PTPRZ1: variants seen among roughly 807,000 people sequenced by gnomAD.
PTPRZ1 encodes receptor-type tyrosine-protein phosphatase zeta.
Under a neutral mutation model 214.1 loss-of-function variants are expected in PTPRZ1, and 82 were observed. The observed-to-expected ratio is 0.38, with a 90% CI of 0.32 to 0.46. PTPRZ1 has a LOEUF of 0.46. Among genes scored for constraint, PTPRZ1 ranks in the 20% least tolerant of loss-of-function variants. PTPRZ1 has a pLI of 1.00. For synonymous variants in PTPRZ1, 945 were observed against 987.9 expected, an observed-to-expected ratio of 0.96 and a Z score of 0.81; for missense variants, 2,603 against 2,748.7, an observed-to-expected ratio of 0.95 and a Z score of 1.19.
chr7:121,947,196 C>T (rs550745158), intron 2 of PTPRZ1, among the ~76,000 whole-genome samples: 1 of 151,806 alleles, frequency 6.6e-6, no homozygotes, highest in Admixed American at 6.6e-5. Context: ...CTATTCACTC[C>T]AGTGGTTCAA....
chr7:122,002,463 A>G (rs1224791181), intron 10 of PTPRZ1, among the ~76,000 whole-genome samples: 5 of 152,216 alleles, frequency 3.3e-5, no homozygotes, highest in African/African-American at 4.8e-5. Flanking sequence ...TAAGTCATTA[A>G]TATTCTTTAG....
At chr7:121,890,139 A>G (rs1312528978) in intron 1 of PTPRZ1, among the ~76,000 whole-genome samples, 1 of 152,192 alleles carries the variant, frequency 6.6e-6, no homozygotes, top group Non-Finnish European at 1.5e-5. Flanking sequence ...TTTCTAGACC[A>G]GAAGTTGTAC....
chr7:121,927,871 G>A (rs1453104321), intron 1 of PTPRZ1, among the ~76,000 whole-genome samples: 1 of 152,120 alleles, frequency 6.6e-6, no homozygotes, highest in East Asian at 1.9e-4. Context: ...CCTCTTTGGG[G>A]CTGAACCCCT....
intron 14 of PTPRZ1, among the ~76,000 whole-genome samples, chr7:122,029,211 T>G (rs1356683018): frequency 6.6e-6 from 1 of 151,868 alleles, no homozygotes; most frequent in East Asian, 1.9e-4. Flanking sequence ...TCTCAAAATG[T>G]TGAACAGTTG....
intron 13 of PTPRZ1, chr7:122,028,178 T>C (rs1317002882): frequency 5.5e-5 from 9 of 163,806 alleles, no homozygotes; most frequent in Non-Finnish European, 1.2e-4. Context: ...TCTTTTCTTC[T>C]CTGGCTCTAT....
At chr7:121,873,833 G>T (rs888464845) in intron 1 of PTPRZ1, among the ~76,000 whole-genome samples, 1 of 152,168 alleles carries the variant, frequency 6.6e-6, no homozygotes, top group African/African-American at 2.4e-5. Context: ...GAGACGGAGG[G>T]CTACTCGGAT....
chr7:121,882,455 T>G (rs1794271215), intron 1 of PTPRZ1, among the ~76,000 whole-genome samples: 1 of 152,118 alleles, frequency 6.6e-6, no homozygotes, highest in African/African-American at 2.4e-5. Flanking sequence ...TCAGAGGGAT[T>G]AAGGTTGGCA....
intron 9 of PTPRZ1, 83 bp downstream of exon 9, chr7:121,996,649 A>T: frequency 9.2e-7 from 1 of 1,087,480 alleles, no homozygotes; most frequent in Non-Finnish European, 1.3e-6. Context: ...GTTGTATATT[A>T]TTTTCCTCCA....
chr7:122,041,746 G>C (rs1039805803), intron 21 of PTPRZ1, among the ~76,000 whole-genome samples: 3 of 152,160 alleles, frequency 2.0e-5, no homozygotes, highest in African/African-American at 7.2e-5. Flanking sequence ...TGTTTTTAGA[G>C]AATCAAGTGT....
At chr7:122,000,246 G>T (rs1798276724) in intron 10 of PTPRZ1, among the ~76,000 whole-genome samples, 1 of 151,940 alleles carries the variant, frequency 6.6e-6, no homozygotes, top group Non-Finnish European at 1.5e-5. Flanking sequence ...GGCTGCAATG[G>T]CATTTTTATC....
intron 14 of PTPRZ1, among the ~76,000 whole-genome samples, chr7:122,029,274 A>G (rs1387547980): frequency 6.6e-6 from 1 of 152,048 alleles, no homozygotes; most frequent in African/African-American, 2.4e-5. Context: ...GAATAACAGT[A>G]TTCAAAGGTA....
intron 8 of PTPRZ1, among the ~76,000 whole-genome samples, 180 bp downstream of exon 8, chr7:121,984,297 A>G (rs1797704437): frequency 6.6e-6 from 1 of 152,222 alleles, no homozygotes; most frequent in South Asian, 2.1e-4. Flanking sequence ...ATAAAATGGC[A>G]ACTAAAAAAA....
chr7:121,965,738 G>A (rs565739197), intron 2 of PTPRZ1, among the ~76,000 whole-genome samples: 54 of 152,166 alleles, frequency 3.5e-4, no homozygotes, highest in Non-Finnish European at 5.7e-4. Flanking sequence ...TGGGAGCCAA[G>A]TCATAATTCC....
chr7:121,886,742 C>G (rs569024467), intron 1 of PTPRZ1, among the ~76,000 whole-genome samples: 60 of 152,174 alleles, frequency 3.9e-4, no homozygotes, highest in Admixed American at 6.5e-4. Context: ...TCTCAGAAGG[C>G]AATTCTACAA....
chr7:122,033,648 C>A (rs904544426), intron 15 of PTPRZ1, among the ~76,000 whole-genome samples: 11 of 151,744 alleles, frequency 7.2e-5, no homozygotes, highest in South Asian at 2.1e-4. Flanking sequence ...TACAAACCAC[C>A]TAATAGGAAG....
At chr7:122,020,440 A>G (rs2116687971) in intron 13 of PTPRZ1, among the ~76,000 whole-genome samples, 1 of 152,302 alleles carries the variant, frequency 6.6e-6, no homozygotes, top group Non-Finnish European at 1.5e-5. Flanking sequence ...GTGTAAACTA[A>G]AATGTAGGAC....
intron 8 of PTPRZ1, among the ~76,000 whole-genome samples, chr7:121,985,994 T>C (rs1407669929): frequency 6.6e-6 from 1 of 152,240 alleles, no homozygotes; most frequent in East Asian, 1.9e-4. Context: ...CATTTCCACA[T>C]AATAAAAACA....
At chr7:121,890,572 T>G (rs1794561252) in intron 1 of PTPRZ1, among the ~76,000 whole-genome samples, 3 of 152,208 alleles carry the variant, frequency 2.0e-5, no homozygotes, top group Admixed American at 1.3e-4. Context: ...AATTTCTTGT[T>G]TAACTCAGAA....
intron 11 of PTPRZ1, among the ~76,000 whole-genome samples, chr7:122,007,493 A>G (rs936088411): frequency 1.3e-5 from 2 of 152,166 alleles, no homozygotes; most frequent in Non-Finnish European, 2.9e-5. Flanking sequence ...CCATGTCACA[A>G]TATGTCTTCC....
Sources: gnomAD v4.1 joint callset for allele counts (sites outside exome capture counted in the v4.1 genomes callset) on GRCh38, gnomAD v4.1.1 for gene constraint, MANE v1.5 for transcripts, NCBI Gene and HGNC (gene_info 2026-07-23, HGNC 2026-07-21) for gene names.